STRA8: variants seen among roughly 807,000 people sequenced by gnomAD.
The protein encoded by STRA8 is stimulated by retinoic acid gene 8 protein homolog.
Under a neutral mutation model 37.1 loss-of-function variants are expected in STRA8, and 18 were observed. The observed-to-expected ratio is 0.48, with a 90% CI of 0.34 to 0.72. The LOEUF is 0.72. Ranked by LOEUF, STRA8 falls within the 30% of genes least tolerant of loss-of-function variation. The pLI is 0.01. For missense variants in STRA8, 357 were observed against 410.4 expected (o/e 0.87, Z 1.13); for synonymous variants, 168 against 162.9 (o/e 1.03, Z -0.24).
Position 135,246,302 on chromosome 7 carries a change from G to C in STRA8, c.594-115G>C. On this transcript the variant is annotated intron_variant, in intron 5 of 8. Transcript: ENST00000662584. This position sits in a 1 kb window ranked among gnomAD's most constrained non-coding sequence, Gnocchi z 5.4. ...CAGAGTCTGAGAAGTCTCAGCCCTGGTGAGCCGTGGCGCCGTGGCCGGGCC... is the reference window on the plus strand; with the variant it reads ...CAGAGTCTGAGAAGTCTCAGCCCTGCTGAGCCGTGGCGCCGTGGCCGGGCC... The C allele has an allele frequency of 7.2e-7, 1 of 1,386,108 alleles. No individual in the cohort carries two copies. The highest frequency in any genetic ancestry group is 1.3e-5 in the South Asian group (1 of 79,650). 85.9% of individuals were successfully genotyped at this position (1,386,108 alleles called of 1,614,324 possible).
At chr7:135,252,018 GTGT>G in intron 7 of STRA8, 149 bp downstream of exon 7, 1 of 664,674 alleles carries the variant, frequency 1.5e-6, no homozygotes. Flanking sequence ...GAGAGAGTGT[GTGT>G]GTGTGTGTGT....
chr7:135,249,295 A>G (rs1832606692), intron 6 of STRA8, among the ~76,000 whole-genome samples: 1 of 152,196 alleles, frequency 6.6e-6, no homozygotes, highest in South Asian at 2.1e-4. Flanking sequence ...ATATAAATAA[A>G]TATATGGGCT....
intron 1 of STRA8, among the ~76,000 whole-genome samples, chr7:135,235,003 G>C (rs1395911794): frequency 6.6e-6 from 1 of 151,908 alleles, no homozygotes; most frequent in Non-Finnish European, 1.5e-5. Context: ...CAGCCTCCTG[G>C]GTGGCTGGGA....
intron 1 of STRA8, among the ~76,000 whole-genome samples, 191 bp downstream of exon 1, chr7:135,234,094 G>GATT (rs1397050965): frequency 0.024 from 3,537 of 147,674 alleles, 134 homozygotes; most frequent in African/African-American, 0.08. Context: ...TGATGATGAT[G>GATT]ATGATGATGA....
At chr7:135,252,062 G>A (rs1183420733) in intron 7 of STRA8, among the ~76,000 whole-genome samples, 193 bp downstream of exon 7, 1 of 149,586 alleles carries the variant, frequency 6.7e-6, no homozygotes, top group African/African-American at 2.5e-5. Context: ...CTGCTGGGGT[G>A]TTCAGGGGCC....
At chr7:135,233,385 G>A (rs1292298754), upstream of STRA8, among the ~76,000 whole-genome samples, 1 of 152,012 alleles carries the variant, frequency 6.6e-6, no homozygotes, top group African/African-American at 2.4e-5. Context: ...TTGAGGCAGC[G>A]AGCCTGGTAT....
At position 135,252,045 on chromosome 7, in the gene STRA8, T is replaced by C. The variant is rs1007724811; in HGVS notation, c.953+176T>C. ...GTGTGTGTGTGTGTGTGTGTGTGTGTGCACCCCTGCTGGGGTGTTCAGGGG... is the reference window on the plus strand; with the variant it reads ...GTGTGTGTGTGTGTGTGTGTGTGTGCGCACCCCTGCTGGGGTGTTCAGGGG... On this transcript the variant is annotated intron_variant, in intron 7 of 8. Coordinates refer to ENST00000662584, the MANE Select transcript of STRA8 (RefSeq NM_001394401.1). 3.3e-5 allele frequency among the ~76,000 whole-genome samples: 5 copies of C among 150,892 alleles called. No individual in the cohort carries two copies. In the East Asian group the frequency reaches 9.7e-4, roughly 29 times the overall value.
In STRA8 at chr7:135,240,721, G is replaced by A. The variant is rs1832451652; in HGVS notation, c.192+5G>A. Reference sequence around the variant, plus strand: ...TCTGATCTCATAGCCTCAAAGGTATGGGGACCTGGAGGAGGAGAGGGGACA... The same window carrying A: ...TCTGATCTCATAGCCTCAAAGGTATAGGGACCTGGAGGAGGAGAGGGGACA... On this transcript the variant is annotated splice_donor_5th_base_variant and intron_variant, in intron 2 of 8. Coordinates refer to ENST00000662584, the MANE Select transcript of STRA8 (RefSeq NM_001394401.1). 2 of 1,613,578 alleles carry A rather than the reference G, an allele frequency of 1.2e-6. No homozygotes were observed. Among genetic ancestry groups the A allele is most frequent in the African/African-American group, 1.3e-5 (1 of 74,898 alleles).
intron 4 of STRA8, 33 bp from the exon 5 acceptor site, chr7:135,245,251 TAATC>T: frequency 1.3e-6 from 1 of 780,764 alleles, no homozygotes; most frequent in South Asian, 1.3e-5. Context: ...TGAGGGATAT[TAATC>T]TATAGTTGTC....
chr7:135,255,071 G>A, intron 7 of STRA8, 43 bp from the exon 8 acceptor site: 1 of 1,488,626 alleles, frequency 6.7e-7, no homozygotes, highest in Non-Finnish European at 9.4e-7. Flanking sequence ...TGAAAGATCA[G>A]GATCCTGAAT....
At position 135,240,596 on chromosome 7, in the gene STRA8, G is replaced by C. The variant is rs747258828; in HGVS notation, c.72G>C (p.Glu24Asp). The change falls in exon 2 of 9, where the codon GAG becomes GAC. Residue 24 changes from glutamate to aspartate, a missense_variant. Coordinates refer to ENST00000662584, the MANE Select transcript of STRA8 (RefSeq NM_001394401.1). ...ATPQLPAQLQ[E>D]LEHRVARRRL... ...CCCAGCTGCCAGCACAGCTGCAGGA[G>C]CTTGAGCATCGGGTGGCCCGGAGAC... 1.2e-6 allele frequency: 2 copies of C among 1,614,082 alleles called. No homozygotes were observed. The highest frequency in any genetic ancestry group is 8.5e-7 in the Non-Finnish European group (1 of 1,180,048).
In STRA8 at chr7:135,258,552, T is replaced by A; in HGVS notation, c.*60T>A. The A allele has an allele frequency of 6.9e-7, 1 of 1,445,514 alleles. No homozygotes were observed. Among genetic ancestry groups the A allele is most frequent in the Non-Finnish European group, 9.5e-7 (1 of 1,052,894 alleles). 89.5% of individuals were successfully genotyped at this position (1,445,514 alleles called of 1,614,324 possible). On this transcript the variant is annotated 3_prime_UTR_variant, in exon 9 of 9. Coordinates refer to ENST00000662584, the MANE Select transcript of STRA8 (RefSeq NM_001394401.1). ...GAGGTGGGCAGTTCCCAAGGTTGAA[T>A]GCTGGCAGCTAAGGTTGCACCTGCC...
intron 1 of STRA8, among the ~76,000 whole-genome samples, chr7:135,235,546 A>C (rs1832362516): frequency 6.6e-6 from 1 of 151,518 alleles, no homozygotes; most frequent in Non-Finnish European, 1.5e-5. Context: ...GGTTCAAGTG[A>C]TTCTCCTGCC....
chr7:135,248,152 G>A (rs955430214), intron 6 of STRA8, among the ~76,000 whole-genome samples: 1 of 152,190 alleles, frequency 6.6e-6, no homozygotes, highest in Non-Finnish European at 1.5e-5. Context: ...GAATGCCTCC[G>A]TTTTTTAGAA....
intron 8 of STRA8, among the ~76,000 whole-genome samples, chr7:135,255,793 T>C (rs572523845): frequency 6.6e-6 from 1 of 152,324 alleles, no homozygotes; most frequent in East Asian, 1.9e-4. Context: ...GAACCACTGC[T>C]CTAAGGCAGA....
intron 2 of STRA8, among the ~76,000 whole-genome samples, chr7:135,241,857 T>A (rs1342087487): frequency 2.0e-5 from 3 of 152,102 alleles, no homozygotes; most frequent in African/African-American, 7.2e-5. Flanking sequence ...TTTGCCCTTG[T>A]ACATGCCCAA....
chr7:135,241,553 C>T (rs1487414011), intron 2 of STRA8, among the ~76,000 whole-genome samples: 5 of 152,226 alleles, frequency 3.3e-5, no homozygotes, highest in Non-Finnish European at 5.9e-5. Context: ...CTCTGTGTCT[C>T]TGCTCATGCA....
intron 7 of STRA8, 77 bp downstream of exon 7, chr7:135,251,946 G>A: frequency 2.8e-6 from 4 of 1,405,592 alleles, no homozygotes; most frequent in Non-Finnish European, 4.0e-6. Flanking sequence ...GTGTGTATGT[G>A]TGAGTTTGCA....
chr7:135,255,397 G>A (rs1832691523), intron 8 of STRA8, among the ~76,000 whole-genome samples, 172 bp downstream of exon 8: 1 of 152,328 alleles, frequency 6.6e-6, no homozygotes, highest in South Asian at 2.1e-4. Context: ...CCTTCAGCCT[G>A]ATGCATCCTG....
Sources: allele counts gnomAD v4.1 joint callset (sites outside exome capture counted in the v4.1 genomes callset), GRCh38; gene constraint gnomAD v4.1.1; non-coding constraint Gnocchi (gnomAD v3.1); transcripts MANE v1.5; gene names NCBI Gene and HGNC (gene_info 2026-07-23, HGNC 2026-07-21).